Variants in EMC2 observed in about 807,000 individuals in gnomAD.
The protein encoded by EMC2 is ER membrane protein complex subunit 2.
A neutral mutation model predicts 51.6 loss-of-function variants in EMC2; 37 were observed. That is an observed-to-expected ratio of 0.72 (90% CI 0.55 to 0.94). EMC2 has a LOEUF of 0.94. Ranked by LOEUF, EMC2 falls within the 40% of genes least tolerant of loss-of-function variation. The pLI is 0.00. For missense variants in EMC2, 359 were observed against 350.9 expected (o/e 1.02, Z -0.18); for synonymous variants, 131 against 112.4 (o/e 1.17, Z -1.04).
chr8:108,456,348 G>GAAAAAAAAAAAAAAAAAA (rs1212130981), intron 5 of EMC2, among the ~76,000 whole-genome samples: 2 of 45,034 alleles, frequency 4.4e-5, no homozygotes, highest in African/African-American at 1.2e-4. Flanking sequence ...AAAAAAAAAA[G>GAAAAAAAAAAAAAAAAAA]AAAAAAAAAA....
At chr8:108,478,417 C>T (rs1414075040) in intron 9 of EMC2, among the ~76,000 whole-genome samples, 1 of 151,962 alleles carries the variant, frequency 6.6e-6, no homozygotes, top group Non-Finnish European at 1.5e-5. Flanking sequence ...AGTTTGAAAA[C>T]TCATGGTATA....
chr8:108,483,207 G>C (rs892674117), intron 10 of EMC2, among the ~76,000 whole-genome samples: 2 of 152,006 alleles, frequency 1.3e-5, no homozygotes, highest in Non-Finnish European at 2.9e-5. Flanking sequence ...CCTTTTCCCT[G>C]TCTCTTCAGT....
intron 10 of EMC2, among the ~76,000 whole-genome samples, chr8:108,482,526 CT>C (rs1165363008): frequency 6.6e-6 from 1 of 151,982 alleles, no homozygotes; most frequent in Non-Finnish European, 1.5e-5. Context: ...AATTTCTATT[CT>C]TTTACTTTTC....
At chr8:108,462,928 T>C (rs1819365907) in intron 5 of EMC2, among the ~76,000 whole-genome samples, 1 of 152,202 alleles carries the variant, frequency 6.6e-6, no homozygotes. Flanking sequence ...ATTTGTATTT[T>C]TCTTTCTGAG....
intron 5 of EMC2, among the ~76,000 whole-genome samples, chr8:108,458,333 T>A (rs999253728): frequency 7.9e-5 from 12 of 152,212 alleles, no homozygotes; most frequent in African/African-American, 2.9e-4. Flanking sequence ...CATTAGGCAG[T>A]GCCCTAGTAG....
At chr8:108,468,541 A>G (rs981019) in intron 5 of EMC2, among the ~76,000 whole-genome samples, 21,589 of 151,986 alleles carry the variant, frequency 0.14, 3,059 homozygotes, top group African/African-American at 0.37. Context: ...TATTATAAAC[A>G]TTGCTCTGAC....
rs559005795 is a variant in EMC2, at chr8:108,478,624, T to C, written c.703-382T>C. Among the ~76,000 whole-genome samples the C allele has an allele frequency of 1.1e-4, 17 of 152,124 alleles. 1 individual carries two copies. Among genetic ancestry groups the C allele is most frequent in the Admixed American group, 9.8e-4 (15 of 15,230 alleles). On this transcript the variant is annotated intron_variant, in intron 9 of 10. Coordinates refer to ENST00000220853, the MANE Select transcript of EMC2 (RefSeq NM_014673.5). ...TCTATGATTCTGACATAGCAAGTTATGTAATTCAGTAATAAGAAATAACAC... is the reference window on the plus strand; with the variant it reads ...TCTATGATTCTGACATAGCAAGTTACGTAATTCAGTAATAAGAAATAACAC...
chr8:108,456,311 C>T (rs939419353), intron 5 of EMC2, among the ~76,000 whole-genome samples: 7 of 113,950 alleles, frequency 6.1e-5, no homozygotes, highest in East Asian at 2.6e-4. Flanking sequence ...CCAGCCTGGG[C>T]GACAGAGCAA....
At chr8:108,460,511 CG>C (rs1356026775) in intron 5 of EMC2, among the ~76,000 whole-genome samples, 1 of 152,098 alleles carries the variant, frequency 6.6e-6, no homozygotes, top group African/African-American at 2.4e-5. Flanking sequence ...AATTTCACCC[CG>C]ATCACATGTG....
At chr8:108,466,809 C>T (rs751129882) in intron 5 of EMC2, among the ~76,000 whole-genome samples, 16 of 151,966 alleles carry the variant, frequency 1.1e-4, no homozygotes, top group Non-Finnish European at 2.1e-4. Flanking sequence ...ACCCAGAAGC[C>T]ACAAGAAGCC....
intron 1 of EMC2, among the ~76,000 whole-genome samples, chr8:108,448,921 T>G (rs1414494311): frequency 6.6e-6 from 1 of 152,222 alleles, no homozygotes; most frequent in Non-Finnish European, 1.5e-5. Context: ...TGCTCAGCAT[T>G]TTTAAGTTGT....
At chr8:108,449,432 T>C (rs7017532) in intron 1 of EMC2, among the ~76,000 whole-genome samples, 104,071 of 152,118 alleles carry the variant, frequency 0.68, 36,166 homozygotes, top group African/African-American at 0.81. Flanking sequence ...GCCACCATAG[T>C]TGGCTAATTT....
intron 5 of EMC2, among the ~76,000 whole-genome samples, chr8:108,461,133 C>G (rs1819309331): frequency 6.6e-6 from 1 of 152,108 alleles, no homozygotes; most frequent in Admixed American, 6.6e-5. Flanking sequence ...CTTAGTATCT[C>G]AAAGGCGGGA....
At chr8:108,452,995 A>G (rs1039898826) in intron 3 of EMC2, 67 bp from the exon 4 acceptor site, 1 of 743,884 alleles carries the variant, frequency 1.3e-6, no homozygotes, top group Non-Finnish European at 2.2e-6. Context: ...TGAAGACTAT[A>G]TAGGCCATCC....
chr8:108,470,406 C>T (rs1586188460), intron 7 of EMC2, among the ~76,000 whole-genome samples: 1 of 152,164 alleles, frequency 6.6e-6, no homozygotes, highest in East Asian at 1.9e-4. Flanking sequence ...ATAAAAAGGC[C>T]TGCATTTGCT....
intron 5 of EMC2, among the ~76,000 whole-genome samples, chr8:108,466,955 A>T (rs1209396653): frequency 6.6e-6 from 1 of 152,104 alleles, no homozygotes. Context: ...CTGAGTATTA[A>T]GTGTCCAGAG....
At chr8:108,475,181 T>C (rs1334183341) in intron 7 of EMC2, 1 of 151,910 alleles carries the variant, frequency 6.6e-6, no homozygotes, top group East Asian at 1.9e-4. Flanking sequence ...GTTTAAAATA[T>C]ATTTAGTGAA....
Position 108,443,648 on chromosome 8 carries a change from G to C in EMC2, c.-11G>C. On this transcript the variant is annotated 5_prime_UTR_variant, in exon 1 of 11. Transcript: ENST00000220853. ...CGCCCTCTCACCCCGCTGCCTCTAG[G>C]TTCTGGGAAGATGGCGAAGGTCTCA... 6.2e-7 allele frequency: 1 copy of C among 1,608,158 alleles called. No homozygotes were observed. The highest frequency in any genetic ancestry group is 8.5e-7 in the Non-Finnish European group (1 of 1,177,098).
At chr8:108,483,329 C>T (rs1162036573) in intron 10 of EMC2, among the ~76,000 whole-genome samples, 1 of 152,026 alleles carries the variant, frequency 6.6e-6, no homozygotes, top group Non-Finnish European at 1.5e-5. Context: ...CTTACCAGCC[C>T]CCCACTCAAA....
Sources: gnomAD v4.1 joint callset for allele counts (sites outside exome capture counted in the v4.1 genomes callset) on GRCh38, gnomAD v4.1.1 for gene constraint, MANE v1.5 for transcripts, NCBI Gene and HGNC (gene_info 2026-07-23, HGNC 2026-07-21) for gene names.